Variants in LIPC observed in about 807,000 individuals in gnomAD.
LIPC encodes hepatic triacylglycerol lipase.
Under a neutral mutation model 50.7 loss-of-function variants are expected in LIPC, and 44 were observed. The observed-to-expected ratio is 0.87, with a 90% CI of 0.68 to 1.11. The LOEUF (loss-of-function observed/expected upper bound fraction) is 1.11. Ranked by LOEUF, LIPC falls within the 50% of genes most tolerant of loss-of-function variation. The pLI is 0.00. For missense variants in LIPC, 697 were observed against 648.2 expected (o/e 1.08, Z -0.82); for synonymous variants, 271 against 256.4 (o/e 1.06, Z -0.54).
chr15:58,563,785 C>CA, intron 8 of LIPC, 62 bp downstream of exon 8: 1 of 1,340,540 alleles, frequency 7.5e-7, no homozygotes, highest in Non-Finnish European at 1.1e-6. Flanking sequence ...CAGGCAGTCT[C>CA]ACAATTTAAT....
At chr15:58,465,666 T>C (rs1208013371) in intron 1 of LIPC, among the ~76,000 whole-genome samples, 3 of 152,060 alleles carry the variant, frequency 2.0e-5, no homozygotes, top group African/African-American at 7.2e-5. Context: ...GGGTTAGGCA[T>C]TCACAGGCCT....
rs1359151716 is a variant in LIPC at position 58,567,304 on chromosome 15, TAC to T, written c.1389-1410_1389-1409del. ...GTGTATATATATATACATATATATATACATATATATGTATATGTGTATATATA... is the reference window on the plus strand; with the variant it reads ...GTGTATATATATATACATATATATATATATATATGTATATGTGTATATATA... On this transcript the variant is annotated intron_variant, in intron 8 of 8. Coordinates refer to ENST00000299022, the MANE Select transcript of LIPC (RefSeq NM_000236.3). Among the ~76,000 whole-genome samples, 138 of 41,784 alleles carry T rather than the reference TAC, an allele frequency of 3.3e-3. 1 individual carries two copies. The highest frequency in any genetic ancestry group is 3.9e-3 in the African/African-American group (61 of 15,742). 27.4% of individuals were successfully genotyped at this position (41,784 alleles called of 152,430 possible).
chr15:58,434,416 A>G (rs541031723), intron 1 of LIPC, among the ~76,000 whole-genome samples: 5 of 152,284 alleles, frequency 3.3e-5, no homozygotes, highest in Admixed American at 2.0e-4. Flanking sequence ...CGGACATTTT[A>G]TCTCATCCTC....
rs1894682861 is a variant in LIPC, at chr15:58,469,102, T to TGTG, written c.88+36982_88+36983insGTG. On this transcript the variant is annotated intron_variant, in intron 1 of 8. Coordinates refer to ENST00000299022, the MANE Select transcript of LIPC (RefSeq NM_000236.3). Reference sequence around the variant, plus strand: ...AACTTAAACGGCTTCAGGGAACATTTTGTGTGTGTGTGTGTGTGTGTGTGT... The same window carrying TGTG: ...AACTTAAACGGCTTCAGGGAACATTTGTGTGTGTGTGTGTGTGTGTGTGTGTGT... Among the ~76,000 whole-genome samples the TGTG allele has an allele frequency of 3.6e-5, 5 of 140,720 alleles. No individual in the cohort carries two copies. The East Asian group carries it at 6.4e-4, about 18-fold the overall frequency. 92.3% of individuals were successfully genotyped at this position (140,720 alleles called of 152,430 possible). A position where few individuals can be genotyped will look rare whatever the true frequency, so the allele number is the denominator to read the frequency against.
chr15:58,449,752 C>A (rs1893836397), intron 1 of LIPC, among the ~76,000 whole-genome samples: 1 of 152,142 alleles, frequency 6.6e-6, no homozygotes, highest in Admixed American at 6.5e-5. Context: ...GTTGGCCAGG[C>A]TGGTCTTGAA....
intron 1 of LIPC, among the ~76,000 whole-genome samples, chr15:58,537,944 A>G (rs1234105393): frequency 6.6e-6 from 1 of 152,190 alleles, no homozygotes; most frequent in Non-Finnish European, 1.5e-5. Flanking sequence ...TAGGGATGAA[A>G]TTGGAGACAG....
At chr15:58,554,942 GT>G (rs1278077208) in intron 6 of LIPC, among the ~76,000 whole-genome samples, 1 of 152,160 alleles carries the variant, frequency 6.6e-6, no homozygotes, top group African/African-American at 2.4e-5. Flanking sequence ...ATCAGCGCAG[GT>G]TCCGTCCCCA....
intron 1 of LIPC, among the ~76,000 whole-genome samples, chr15:58,477,743 G>T (rs1891047495): frequency 6.6e-6 from 1 of 151,990 alleles, no homozygotes; most frequent in Non-Finnish European, 1.5e-5. Flanking sequence ...TTAAGAAACT[G>T]CTTGACTGAA....
At chr15:58,545,149 G>A (rs1052051397) in intron 4 of LIPC, among the ~76,000 whole-genome samples, 2 of 152,104 alleles carry the variant, frequency 1.3e-5, no homozygotes, top group Admixed American at 1.3e-4. Context: ...GGCTTTTTTT[G>A]TATGCAAACA....
At chr15:58,525,642 G>C (rs1278197730) in intron 1 of LIPC, among the ~76,000 whole-genome samples, 1 of 152,170 alleles carries the variant, frequency 6.6e-6, no homozygotes, top group Non-Finnish European at 1.5e-5. Flanking sequence ...GGTGTTCTGG[G>C]GAAAGGCCAA....
chr15:58,446,779 G>A (rs1241358567), intron 1 of LIPC, among the ~76,000 whole-genome samples: 9 of 152,150 alleles, frequency 5.9e-5, no homozygotes, highest in African/African-American at 1.7e-4. Flanking sequence ...CTGGCATGGA[G>A]CAGGCACGTG....
At chr15:58,494,800 C>T (rs35072731) in intron 1 of LIPC, 8,919 of 456,210 alleles carry the variant, frequency 0.02, 109 homozygotes, top group Middle Eastern at 0.033. Context: ...ATCTGGAGTT[C>T]TTGCTAGTTC....
chr15:58,453,569 G>A (rs1461106840), intron 1 of LIPC, among the ~76,000 whole-genome samples: 1 of 152,164 alleles, frequency 6.6e-6, no homozygotes, highest in African/African-American at 2.4e-5. Flanking sequence ...GGAGTTTGAA[G>A]AATTTGGCCC....
intron 1 of LIPC, among the ~76,000 whole-genome samples, chr15:58,468,603 C>T (rs929017420): frequency 1.3e-5 from 2 of 152,138 alleles, no homozygotes; most frequent in South Asian, 2.1e-4. Context: ...AACCCTGTGA[C>T]GTTATCAGGG....
At chr15:58,455,321 G>A (rs1164153665) in intron 1 of LIPC, among the ~76,000 whole-genome samples, 1 of 152,164 alleles carries the variant, frequency 6.6e-6, no homozygotes, top group Non-Finnish European at 1.5e-5. Flanking sequence ...ACAGACAATA[G>A]ACACACAAAT....
At chr15:58,473,067 G>A (rs1254837461) in intron 1 of LIPC, among the ~76,000 whole-genome samples, 1 of 152,154 alleles carries the variant, frequency 6.6e-6, no homozygotes, top group Non-Finnish European at 1.5e-5. Context: ...GGGGGAGGAC[G>A]GCAGCCAGAA....
At chr15:58,543,991 G>A (rs1392223584) in intron 4 of LIPC, among the ~76,000 whole-genome samples, 2 of 152,180 alleles carry the variant, frequency 1.3e-5, no homozygotes, top group African/African-American at 4.8e-5. Context: ...CTTTTAACTT[G>A]AGAAAGAATG....
rs764287488 is a variant in LIPC at position 58,548,505 on chromosome 15, C to T, written c.984C>T (p.Val328=). Residue 328 remains valine, a synonymous_variant, in exon 6 of 9, where the codon GTC becomes GTT. Transcript: ENST00000299022. ...KGRCNTLGYH[V]RQEPRSKSKR... ...GCTGCAACACGCTGGGCTACCACGT[C>T]CGCCAGGAGCCGCGGAGCAAGAGCA... is the stretch of plus-strand genomic sequence containing the variant. 39 of 1,603,802 alleles carry T rather than the reference C, an allele frequency of 2.4e-5. No individual in the cohort carries two copies. Among genetic ancestry groups the T allele is most frequent in the Non-Finnish European group, 3.1e-5 (36 of 1,174,782 alleles).
chr15:58,516,237 C>CTTTTTTTTTTTTTTTTTT (rs11351202), intron 1 of LIPC, among the ~76,000 whole-genome samples: 1 of 45,164 alleles, frequency 2.2e-5, no homozygotes. Flanking sequence ...CCTCTAGCTT[C>CTTTTTTTTTTTTTTTTTT]TTTTTTTTTT....
Sources: allele counts gnomAD v4.1 joint callset (sites outside exome capture counted in the v4.1 genomes callset), GRCh38; gene constraint gnomAD v4.1.1; transcripts MANE v1.5; gene names NCBI Gene and HGNC (gene_info 2026-07-23, HGNC 2026-07-21).